HAUS7: variants seen among roughly 807,000 people sequenced by gnomAD.
HAUS7 encodes the protein HAUS augmin-like complex subunit 7.
HAUS7 carries 3 observed loss-of-function variants against 28.4 expected under a neutral mutation model. The ratio of observed to expected loss-of-function variants is 0.11; its 90% CI spans 0.05 to 0.27. The LOEUF is 0.27. Ranked by LOEUF, HAUS7 falls within the 10% of genes least tolerant of loss-of-function variation. The probability of loss-of-function intolerance (pLI) is 1.00; values close to 1 mark genes in which losing one functional copy is unlikely to be tolerated. For missense variants in HAUS7, 284 were observed against 297.3 expected, an observed-to-expected ratio of 0.96 and a Z score of 0.33; for synonymous variants, 165 against 132.1, an observed-to-expected ratio of 1.25 and a Z score of -1.71.
intron 1 of HAUS7, chrX:153,482,353 C>T (rs1473017993): frequency 7.9e-6 from 6 of 755,472 alleles, no homozygotes; most frequent in Non-Finnish European, 9.4e-6. Flanking sequence ...AGCGGCTGAA[C>T]CTGGTTGGGA....
At chrX:153,470,646 C>A, upstream of HAUS7, 1 of 1,111,620 alleles carries the variant, frequency 9.0e-7, no homozygotes, top group Non-Finnish European at 1.2e-6. Context: ...TTCCCGCCCA[C>A]CCGCCTGCGC....
upstream of HAUS7, among the ~76,000 whole-genome samples, chrX:153,472,805 TCTGAG>T (rs1476137074): frequency 9.3e-6 from 1 of 107,237 alleles, no homozygotes; most frequent in African/African-American, 3.4e-5. Flanking sequence ...CCCCAGGTTC[TCTGAG>T]GGAGGCCTGG....
At chrX:153,482,525 CAG>C (rs1206372646) in intron 1 of HAUS7, 2 of 745,194 alleles carry the variant, frequency 2.7e-6, no homozygotes, top group Non-Finnish European at 1.6e-6. Flanking sequence ...ACCCCCAGGA[CAG>C]GGGCTGGCAA....
At chrX:153,453,533 C>A (rs1213296774) in intron 9 of HAUS7, among the ~76,000 whole-genome samples, 1 of 110,147 alleles carries the variant, frequency 9.1e-6, no homozygotes, top group Non-Finnish European at 1.9e-5. Context: ...TATTTTCTAG[C>A]CCCCTGAAAC....
At position 153,455,390 on chromosome X, in the gene HAUS7, G is replaced by A. The variant is rs781919352; in HGVS notation, c.930+152C>T. On this transcript the variant is annotated intron_variant, in intron 8 of 9. Transcript: ENST00000370211. ...GCCCTGCCACGCCACTGGCCAGCAG[G>A]GAGCCCAGCCCAGCCCCTCCCAGCC... The A allele has an allele frequency of 2.9e-4, 131 of 452,645 alleles. 1 individual carries two copies. The African/African-American group carries it at 3.2e-3, about 11-fold the overall frequency. 37.3% of individuals were successfully genotyped at this position (452,645 alleles called of 1,213,427 possible). A position where few individuals can be genotyped will look rare whatever the true frequency, so the allele number is the denominator to read the frequency against.
chrX:153,466,136 A>T (rs965494874), intron 2 of HAUS7, among the ~76,000 whole-genome samples: 1 of 112,434 alleles, frequency 8.9e-6, no homozygotes, highest in Non-Finnish European at 1.9e-5. Context: ...CACCTCTGTG[A>T]CTTATTAAGA....
chrX:153,461,383 C>T (rs782673113), intron 4 of HAUS7, among the ~76,000 whole-genome samples: 4 of 110,489 alleles, frequency 3.6e-5, no homozygotes, highest in South Asian at 3.9e-4. Context: ...TGCAGGGTGT[C>T]GTGTCCATGG....
chrX:153,460,306 A>G (rs2089371396), intron 4 of HAUS7, among the ~76,000 whole-genome samples: 1 of 111,694 alleles, frequency 9.0e-6, no homozygotes, highest in South Asian at 3.7e-4. Context: ...GGTGATGAAA[A>G]TGTTGTGGAA....
chrX:153,455,144 T>A, intron 8 of HAUS7: 4 of 475,055 alleles, frequency 8.4e-6, no homozygotes, highest in South Asian at 2.4e-5. Flanking sequence ...CAGGCAGGCA[T>A]TTGTCTGCCT....
intron 1 of HAUS7, among the ~76,000 whole-genome samples, chrX:153,491,906 C>A (rs1556989695): frequency 8.8e-6 from 1 of 113,075 alleles, no homozygotes. Context: ...TTCTGGCCCT[C>A]TACAGCCTTT....
At chrX:153,479,824 G>T (rs1166929408) in intron 1 of HAUS7, among the ~76,000 whole-genome samples, 1 of 111,440 alleles carries the variant, frequency 9.0e-6, no homozygotes, top group Non-Finnish European at 1.9e-5. Context: ...GGGCCAGGTG[G>T]GTGGGTCTGC....
rs782359964 is a variant in HAUS7 at position 153,455,761 on chromosome X, A to G, written c.711T>C (p.Phe237=). 8.6e-7 allele frequency: 1 copy of G among 1,157,203 alleles called. No homozygotes were observed. The highest frequency in any genetic ancestry group is 1.2e-6 in the Non-Finnish European group (1 of 849,500). Residue 237 remains phenylalanine, a synonymous_variant, in exon 8 of 10, where the codon TTT becomes TTC. Transcript: ENST00000370211. ...CAGCAGCCCCTTGCTCATGCTGTGC[A>G]AAGTACTGCAAAGCCAGAGGCAGAG... ...AKLHALRTEY[F]AQHEQGAAAG...
chrX:153,465,398 C>T (rs1489686386), intron 2 of HAUS7, among the ~76,000 whole-genome samples: 2 of 109,996 alleles, frequency 1.8e-5, no homozygotes, highest in Non-Finnish European at 3.8e-5. Flanking sequence ...CTCGAAATGG[C>T]GCAGCGGGTG....
chrX:153,454,438 C>T lies in HAUS7; in HGVS notation c.1001G>A (p.Gly334Asp), dbSNP rs782116125. ...KAVETVKKQQ[G>D]EQICWGGSSS... ...GCTGCCACCCCAGCAGATCTGCTCG[C>T]CTTGCTGCTTCTTCACGGTCTCCAC... Residue 334 changes from glycine (G) to aspartate (D), a missense_variant, in exon 9 of 10, where the codon GGC becomes GAC. Transcript: ENST00000370211. The T allele has an allele frequency of 8.7e-6, 10 of 1,153,413 alleles. No homozygotes were observed. The highest frequency in any genetic ancestry group is 2.3e-5 in the Admixed American group (1 of 43,822).
chrX:153,455,855 G>T, intron 7 of HAUS7, 89 bp from the exon 8 acceptor site: 1 of 549,234 alleles, frequency 1.8e-6, no homozygotes, highest in East Asian at 3.4e-5. Context: ...GCACACCCAG[G>T]GCGAGGAAGA....
chrX:153,479,060 G>T (rs2089581288), intron 1 of HAUS7, among the ~76,000 whole-genome samples: 1 of 111,204 alleles, frequency 9.0e-6, no homozygotes, highest in East Asian at 2.8e-4. Context: ...CACGTTGTGG[G>T]GAGTTGGGGG....
chrX:153,472,653 C>T (rs2089536746), upstream of HAUS7, among the ~76,000 whole-genome samples: 1 of 108,542 alleles, frequency 9.2e-6, no homozygotes, highest in Non-Finnish European at 1.9e-5. Flanking sequence ...TGAACACCAG[C>T]TGGCTGCCAG....
Position 153,447,855 on chromosome X carries a change from C to T in HAUS7, c.*23G>A, listed in dbSNP as rs1266970459. On this transcript the variant is annotated 3_prime_UTR_variant, in exon 10 of 10. Transcript: ENST00000370211. ...CTGCCCGCCCCATCCTGTGCTTTGG[C>T]GTAGGCCATCACTGAAGACTTTCTA... 38 of 1,174,023 alleles carry T rather than the reference C, an allele frequency of 3.2e-5. No individual in the cohort carries two copies. Among genetic ancestry groups the T allele is most frequent in the South Asian group, 2.0e-4 (11 of 56,197 alleles).
At chrX:153,477,489 G>A (rs1236997247) in intron 1 of HAUS7, among the ~76,000 whole-genome samples, 1 of 113,325 alleles carries the variant, frequency 8.8e-6, no homozygotes, top group Non-Finnish European at 1.9e-5. Context: ...TCGAGACTTG[G>A]GTGAGCCCCA....
Sources: allele counts gnomAD v4.1 joint callset (sites outside exome capture counted in the v4.1 genomes callset), GRCh38; gene constraint gnomAD v4.1.1; transcripts MANE v1.5; gene names NCBI Gene and HGNC (gene_info 2026-07-23, HGNC 2026-07-21).